The following FAT2 variants were observed in gnomAD, a reference collection of about 807,000 sequenced individuals.
The protein encoded by FAT2 is protocadherin Fat 2.
A neutral mutation model predicts 295.3 loss-of-function variants in FAT2; 150 were observed. That is an observed-to-expected ratio of 0.51 (90% CI 0.44 to 0.58). FAT2 has a LOEUF of 0.58. Among genes scored for constraint, FAT2 ranks in the 20% least tolerant of loss-of-function variants. The probability of loss-of-function intolerance (pLI) is 0.00; values close to 1 mark genes in which losing one functional copy is unlikely to be tolerated. For synonymous variants in FAT2, 2,026 were observed against 2,150.3 expected, an observed-to-expected ratio of 0.94 and a Z score of 1.60; for missense variants, 4,868 against 5,442.7, an observed-to-expected ratio of 0.89 and a Z score of 3.32.
intron 1 of FAT2, among the ~76,000 whole-genome samples, chr5:151,577,373 A>T (rs866240085): frequency 4.6e-5 from 7 of 152,216 alleles, no homozygotes; most frequent in South Asian, 2.1e-4. Context: ...TTCATTTAAT[A>T]CTCACTGAGG....
In FAT2 at chr5:151,507,541, A is replaced by G; in HGVS notation, c.12130T>C (p.Trp4044Arg). The part of the protein sequence containing the change: ...LVTPEIQRGD[W>R]GQQELLIITV... ...ATGATCAGTAACTCCTGCTGCCCCCAGTCCCCCCTTTGGATCTCGGGAGTG... is the reference window on the plus strand; with the variant it reads ...ATGATCAGTAACTCCTGCTGCCCCCGGTCCCCCCTTTGGATCTCGGGAGTG... Residue 4044 changes from tryptophan to arginine, a missense_variant, in exon 23 of 24, where the codon TGG becomes CGG. Around this residue, in one of 5 missense-constraint regions of FAT2, gnomAD observed 492 missense variants for 482.6 expected, o/e 1.02. Coordinates refer to ENST00000261800, the MANE Select transcript of FAT2 (RefSeq NM_001447.3). The G allele has an allele frequency of 6.2e-7, 1 of 1,614,066 alleles. No homozygotes were observed. Among genetic ancestry groups the G allele is most frequent in the African/African-American group, 1.3e-5 (1 of 75,018 alleles).
rs1758109896 is a variant in FAT2, at chr5:151,563,375, T to G, written c.3524A>C (p.Asn1175Thr). The G allele has an allele frequency of 6.2e-7, 1 of 1,614,228 alleles. No homozygotes were observed. The highest frequency in any genetic ancestry group is 1.3e-5 in the African/African-American group (1 of 75,064). The part of the protein sequence containing the change: ...DSSSKGKLTF[N>T]ITSGNYMGFF... ...TCCCATGTAGTTCCCACTGGTGATG[T>G]TGAAGGTCAGCTTCCCTTTGGAGCT... Residue 1175 changes from asparagine to threonine, a missense_variant, in exon 3 of 24, where the codon AAC becomes ACC. Coordinates refer to ENST00000261800, the MANE Select transcript of FAT2 (RefSeq NM_001447.3).
At chr5:151,530,277 C>T (rs1342107934) in intron 14 of FAT2, among the ~76,000 whole-genome samples, 1 of 150,454 alleles carries the variant, frequency 6.6e-6, no homozygotes, top group Non-Finnish European at 1.5e-5. Flanking sequence ...CCAGTTAGCT[C>T]TTATGTGCGT....
At chr5:151,549,894 G>A (rs992892184) in intron 8 of FAT2, among the ~76,000 whole-genome samples, 4 of 152,158 alleles carry the variant, frequency 2.6e-5, no homozygotes, top group African/African-American at 9.7e-5. Context: ...AGTTTTCTTT[G>A]TTGCAGGACT....
At chr5:151,537,351 AAAAG>A (rs1396582108) in intron 12 of FAT2, among the ~76,000 whole-genome samples, 2 of 86,600 alleles carry the variant, frequency 2.3e-5, no homozygotes, top group South Asian at 5.2e-4. Context: ...AAGAAAAGAA[AAAAG>A]AAGGAAGGAA....
rs760273190 is a variant in FAT2, at chr5:151,507,171, C to G, written c.12500G>C (p.Trp4167Ser). The G allele has an allele frequency of 6.3e-7, 1 of 1,590,406 alleles. No individual in the cohort carries two copies. The highest frequency in any genetic ancestry group is 1.3e-5 in the African/African-American group (1 of 74,492). ...SDNEPVIKRT[W>S]SSEEMVYPGG... is the part of the protein sequence containing the mutation. ...ATACTGACCCATCTCCTCGCTGGACCAGGTTCTCTTAATGACAGGCTCATT... is the reference window on the plus strand; with the variant it reads ...ATACTGACCCATCTCCTCGCTGGACGAGGTTCTCTTAATGACAGGCTCATT... The change falls in exon 23 of 24, where the codon TGG (tryptophan) becomes TCG (serine). Residue 4167 changes from tryptophan to serine, a missense_variant. Coordinates refer to ENST00000261800, the MANE Select transcript of FAT2 (RefSeq NM_001447.3).
At chr5:151,538,094 C>G in intron 11 of FAT2, 148 bp from the exon 12 acceptor site, 1 of 590,860 alleles carries the variant, frequency 1.7e-6, no homozygotes, top group South Asian at 2.8e-5. Context: ...AGAACAGAGA[C>G]AGAGAGAGAG....
chr5:151,521,395 T>C lies in FAT2; in HGVS notation c.11198A>G (p.Gln3733Arg). 1 of 1,614,220 alleles carries C rather than the reference T, an allele frequency of 6.2e-7. No individual in the cohort carries two copies. Among genetic ancestry groups the C allele is most frequent in the Non-Finnish European group, 8.5e-7 (1 of 1,180,030 alleles). The part of the protein sequence containing the change: ...PMVPCQGPTC[Q>R]GQICHNTVHL... ...CACTGTGTTATGGCAGATTTGACCC[T>C]GGCAGGTTGGCCCCTGGCAGGGCAC... Residue 3733 changes from glutamine (Q) to arginine (R), a missense_variant, in exon 19 of 24, where the codon CAG becomes CGG. Transcript: ENST00000261800.
In FAT2 at chr5:151,591,291, G is replaced by T. The variant is rs183493268; in HGVS notation, c.-147C>A. Among the ~76,000 whole-genome samples, 81 of 152,312 alleles carry T rather than the reference G, an allele frequency of 5.3e-4. 1 individual carries two copies. In the South Asian group the frequency reaches 6.4e-3, roughly 12 times the overall value. ...CTCGGAGCAGGAAGGCGCGCAGCCC[G>T]CAGCCGGAGAGGCTGCTGAGAAAGT... On this transcript the variant is annotated 5_prime_UTR_variant, in exon 1 of 24. Coordinates refer to ENST00000261800, the MANE Select transcript of FAT2 (RefSeq NM_001447.3).
At chr5:151,532,189 T>C (rs568094154) in intron 13 of FAT2, among the ~76,000 whole-genome samples, 1 of 152,344 alleles carries the variant, frequency 6.6e-6, no homozygotes, top group East Asian at 1.9e-4. Context: ...GAACCTAATC[T>C]GCAAATCTAT....
chr5:151,524,383 A>G (rs935403037), intron 18 of FAT2, among the ~76,000 whole-genome samples: 2 of 152,118 alleles, frequency 1.3e-5, no homozygotes, highest in South Asian at 4.1e-4. Context: ...CCAGTGTAAC[A>G]GTATTTGGAG....
In FAT2 at chr5:151,531,553, C is replaced by T. The variant is rs768744395; in HGVS notation, c.9811+34G>A. Reference sequence around the variant, plus strand: ...CCAGCGCTCCCAGAAACCCTGTACGCGATGCTTTGGGGCTTGGTGGATCAG... The same window carrying T: ...CCAGCGCTCCCAGAAACCCTGTACGTGATGCTTTGGGGCTTGGTGGATCAG... On this transcript the variant is annotated intron_variant, in intron 14 of 23. Coordinates refer to ENST00000261800, the MANE Select transcript of FAT2 (RefSeq NM_001447.3). The surrounding 1 kb of genome is among the most constrained non-coding windows in gnomAD (Gnocchi z 5.7). The T allele has an allele frequency of 1.2e-6, 2 of 1,609,994 alleles. No individual in the cohort carries two copies. The highest frequency in any genetic ancestry group is 1.1e-5 in the South Asian group (1 of 90,626).
chr5:151,538,874 C>G (rs563129784), intron 11 of FAT2, among the ~76,000 whole-genome samples: 1 of 150,722 alleles, frequency 6.6e-6, no homozygotes, highest in Non-Finnish European at 1.5e-5. Flanking sequence ...TTAGTAGAGA[C>G]GGGGTTTCAC....
At chr5:151,547,926 TC>T (rs1337594930) in intron 9 of FAT2, among the ~76,000 whole-genome samples, 1 of 152,214 alleles carries the variant, frequency 6.6e-6, no homozygotes, top group Non-Finnish European at 1.5e-5. Flanking sequence ...TTTCGTGTTT[TC>T]AAAAATGAGC....
chr5:151,580,095 G>A (rs1442966639), intron 1 of FAT2, among the ~76,000 whole-genome samples: 1 of 152,194 alleles, frequency 6.6e-6, no homozygotes, highest in East Asian at 1.9e-4. Flanking sequence ...ACTTTAAGTT[G>A]CATAGCATGT....
In FAT2 at chr5:151,546,200, G is replaced by A. The variant is rs1428088929; in HGVS notation, c.4927C>T (p.Leu1643=). 1 of 1,614,156 alleles carries A rather than the reference G, an allele frequency of 6.2e-7. No individual in the cohort carries two copies. Among genetic ancestry groups the A allele is most frequent in the East Asian group, 2.2e-5 (1 of 44,872 alleles). The change falls in exon 10 of 24, where the codon CTG becomes TTG. Residue 1643 remains leucine, a synonymous_variant. Transcript: ENST00000261800. The part of the protein sequence containing the change: ...EDQGSPQWHD[L]ATVIIHVYPS... ...TAGACATGAATGATCACTGTAGCCAGGTCATGCCATTGTGGGGAGCCTTGA... is the reference window on the plus strand; with the variant it reads ...TAGACATGAATGATCACTGTAGCCAAGTCATGCCATTGTGGGGAGCCTTGA...
intron 1 of FAT2, among the ~76,000 whole-genome samples, chr5:151,583,997 C>CAAAAA (rs35453556): frequency 1.3e-4 from 6 of 46,038 alleles, no homozygotes; most frequent in African/African-American, 2.0e-4. Flanking sequence ...GGCTCTGTCT[C>CAAAAA]AAAAAAAAAA....
At chr5:151,535,001 ACATTTTC>A (rs1581362130) in intron 12 of FAT2, among the ~76,000 whole-genome samples, 6 of 143,380 alleles carry the variant, frequency 4.2e-5, no homozygotes, top group East Asian at 2.1e-4. Flanking sequence ...ATATATGTAT[ACATTTTC>A]TATAGAAAAA....
chr5:151,547,468 A>T (rs1397644772), intron 9 of FAT2, among the ~76,000 whole-genome samples: 1 of 152,242 alleles, frequency 6.6e-6, no homozygotes, highest in African/African-American at 2.4e-5. Flanking sequence ...TACACTTGAG[A>T]AAATACTGCA....
Sources: allele counts gnomAD v4.1 joint callset (sites outside exome capture counted in the v4.1 genomes callset), GRCh38; gene constraint gnomAD v4.1.1; regional missense constraint gnomAD v4.1.1; non-coding constraint Gnocchi (gnomAD v3.1); transcripts MANE v1.5; gene names NCBI Gene and HGNC (gene_info 2026-07-23, HGNC 2026-07-21).